The following STOM variants were observed in gnomAD, a reference collection of about 807,000 sequenced individuals.
STOM encodes erythrocyte band 7 integral membrane protein.
In STOM, 25 loss-of-function variants were observed where a neutral mutation model predicts 30.6. The ratio of observed to expected loss-of-function variants is 0.82; its 90% CI spans 0.60 to 1.14. The LOEUF is 1.14. STOM is among the 50% of genes most tolerant of loss of function. The pLI is 0.00. For missense variants in STOM, 292 were observed against 365.2 expected, an observed-to-expected ratio of 0.80 and a Z score of 1.63; for synonymous variants, 118 against 130.8, an observed-to-expected ratio of 0.90 and a Z score of 0.67.
intron 1 of STOM, among the ~76,000 whole-genome samples, chr9:121,364,112 G>T (rs1358398947): frequency 6.6e-6 from 1 of 152,104 alleles, no homozygotes; most frequent in Non-Finnish European, 1.5e-5. Context: ...CAAAAATGAA[G>T]ACAGAATCCT....
At chr9:121,342,893 G>A (rs1288349021) in intron 6 of STOM, among the ~76,000 whole-genome samples, 1 of 152,156 alleles carries the variant, frequency 6.6e-6, no homozygotes, top group Non-Finnish European at 1.5e-5. Flanking sequence ...CAGGAGTTCT[G>A]GAGTCAAATG....
chr9:121,359,533 C>T (rs762043585), intron 1 of STOM, among the ~76,000 whole-genome samples: 1 of 151,978 alleles, frequency 6.6e-6, no homozygotes, highest in Non-Finnish European at 1.5e-5. Flanking sequence ...CTAGTATTAC[C>T]ATGACTGATC....
rs145563184 is a variant in STOM at position 121,365,656 on chromosome 9, G to A, written c.61+4471C>T. On this transcript the variant is annotated intron_variant, in intron 1 of 6. Coordinates refer to ENST00000286713, the MANE Select transcript of STOM (RefSeq NM_004099.6). ...TCACTGTGATTAACAGCTAAGCAGTGGCTAAAAGCTTGCATTTTTGGTGTT... is the reference window on the plus strand; with the variant it reads ...TCACTGTGATTAACAGCTAAGCAGTAGCTAAAAGCTTGCATTTTTGGTGTT... 2.6e-5 allele frequency among the ~76,000 whole-genome samples: 4 copies of A among 152,006 alleles called. No homozygotes were observed. The East Asian group carries it at 7.7e-4, about 29-fold the overall frequency.
chr9:121,369,800 G>A, intron 1 of STOM: 1 of 325,438 alleles, frequency 3.1e-6, no homozygotes, highest in East Asian at 5.0e-5. Context: ...CTCGCTGGCT[G>A]CCAGTTCCCT....
intron 4 of STOM, 114 bp from the exon 5 acceptor site, chr9:121,349,437 G>T: frequency 1.3e-6 from 1 of 770,134 alleles, no homozygotes; most frequent in Non-Finnish European, 2.1e-6. Context: ...CTTTAGTAAG[G>T]CATCAGAAAG....
chr9:121,341,201 A>G lies in STOM; in HGVS notation c.*1T>C. 6.2e-7 allele frequency: 1 copy of G among 1,614,124 alleles called. No individual in the cohort carries two copies. Among genetic ancestry groups the G allele is most frequent in the Non-Finnish European group, 8.5e-7 (1 of 1,180,028 alleles). ...TTGGAAGGCTAGCGCTCATCTCTAC[A>G]CTAGCCTAGATGGCTGTGTTTTGCC... On this transcript the variant is annotated 3_prime_UTR_variant, in exon 7 of 7. Transcript: ENST00000286713.
chr9:121,356,226 C>G (rs2064389079), intron 1 of STOM, 70 bp from the exon 2 acceptor site: 1 of 1,322,674 alleles, frequency 7.6e-7, no homozygotes, highest in Non-Finnish European at 1.1e-6. Context: ...TTCATCCTTA[C>G]CATTCGCTGA....
Position 121,360,397 on chromosome 9 carries a change from T to G in STOM, c.62-4241A>C, listed in dbSNP as rs570402876. On this transcript the variant is annotated intron_variant, in intron 1 of 6. Coordinates refer to ENST00000286713, the MANE Select transcript of STOM (RefSeq NM_004099.6). ...ATTTATATCCCTTATTACACTGAGA[T>G]TCCCTGAGAACGAGGAGTAACTATG... Among the ~76,000 whole-genome samples the G allele has an allele frequency of 2.6e-5, 4 of 152,330 alleles. No individual in the cohort carries two copies. In the South Asian group the frequency reaches 8.3e-4, roughly 32 times the overall value.
In STOM at chr9:121,356,167, C is replaced by T. The variant is rs1564630885; in HGVS notation, c.62-11G>A. 2.5e-6 allele frequency: 4 copies of T among 1,606,748 alleles called. No homozygotes were observed. The highest frequency in any genetic ancestry group is 3.4e-6 in the Non-Finnish European group (4 of 1,175,454). ...CCTTACTGGGGCTGTCTGTTGAAAA[C>T]AAAAAATATACAACTCTCACAACTG... On this transcript the variant is annotated splice_polypyrimidine_tract_variant and intron_variant, in intron 1 of 6. Transcript: ENST00000286713.
intron 4 of STOM, among the ~76,000 whole-genome samples, chr9:121,352,031 T>G (rs1239414071): frequency 6.6e-6 from 1 of 152,210 alleles, no homozygotes; most frequent in Non-Finnish European, 1.5e-5. Flanking sequence ...ATAACAATGA[T>G]GATATTATTA....
chr9:121,341,152 C>T lies in STOM; in HGVS notation c.*50G>A. On this transcript the variant is annotated 3_prime_UTR_variant, in exon 7 of 7. Coordinates refer to ENST00000286713, the MANE Select transcript of STOM (RefSeq NM_004099.6). ...CTACCCTCTCTTTATGAGTTAAAGG[C>T]TAATTTGGTCCCCGACTTCATGCTT... 3 of 1,611,832 alleles carry T rather than the reference C, an allele frequency of 1.9e-6. No homozygotes were observed. The African/African-American group carries it at 4.0e-5, about 22-fold the overall frequency.
At chr9:121,355,957 G>A (rs1464640553) in intron 2 of STOM, 96 bp downstream of exon 2, 4 of 756,878 alleles carry the variant, frequency 5.3e-6, no homozygotes, top group Non-Finnish European at 8.4e-6. Context: ...GAGAGAGACA[G>A]TCTGTTTCTT....
At chr9:121,367,749 C>A (rs1468602021) in intron 1 of STOM, among the ~76,000 whole-genome samples, 1 of 152,246 alleles carries the variant, frequency 6.6e-6, no homozygotes, top group Non-Finnish European at 1.5e-5. Context: ...GCTTCTTTCA[C>A]AAGCAGCCTT....
chr9:121,364,601 CAAT>C (rs923944275), intron 1 of STOM, among the ~76,000 whole-genome samples: 2 of 152,074 alleles, frequency 1.3e-5, no homozygotes, highest in African/African-American at 4.8e-5. Context: ...GAAAGATTTG[CAAT>C]AACAGTTATT....
At chr9:121,347,984 G>C (rs533218207) in intron 6 of STOM, 31 bp downstream of exon 6, 1 of 1,578,124 alleles carries the variant, frequency 6.3e-7, no homozygotes, top group Non-Finnish European at 8.6e-7. Context: ...AGAAAACTCA[G>C]TAAGAAAAAC....
rs146322405 is a variant in STOM, at chr9:121,352,587, A to G, written c.321+633T>C. The stretch of plus-strand genomic sequence containing the variant: ...CCCATGCATGCAAAGGGCCAACTGT[A>G]ATAGTAACAGTAAGAACTTATATAG... On this transcript the variant is annotated intron_variant, in intron 4 of 6. Coordinates refer to ENST00000286713, the MANE Select transcript of STOM (RefSeq NM_004099.6). Among the ~76,000 whole-genome samples the G allele has an allele frequency of 1.5e-3, 236 of 152,356 alleles. No homozygotes were observed. The South Asian group carries it at 0.028, about 18-fold the overall frequency.
chr9:121,353,324 T>C, intron 3 of STOM, 22 bp from the exon 4 acceptor site: 1 of 1,543,382 alleles, frequency 6.5e-7, no homozygotes, highest in Non-Finnish European at 8.8e-7. Context: ...ATACACACAT[T>C]ATACAGACAC....
chr9:121,348,162 G>C lies in STOM; in HGVS notation c.526-13C>G, dbSNP rs1275169489. The stretch of plus-strand genomic sequence containing the variant: ...CATCCAGAGTAGACTGTTAGGAAGA[G>C]AGAAGGCAAGCTAAATCTCCTCAGC... On this transcript the variant is annotated splice_polypyrimidine_tract_variant and intron_variant, in intron 5 of 6. Coordinates refer to ENST00000286713, the MANE Select transcript of STOM (RefSeq NM_004099.6). 2 of 1,614,024 alleles carry C rather than the reference G, an allele frequency of 1.2e-6. No homozygotes were observed. The highest frequency in any genetic ancestry group is 2.2e-5 in the East Asian group (1 of 44,874).
chr9:121,368,448 A>G (rs773066353), intron 1 of STOM, among the ~76,000 whole-genome samples: 3 of 152,212 alleles, frequency 2.0e-5, no homozygotes, highest in Non-Finnish European at 4.4e-5. Context: ...AAGACAACTA[A>G]CTATCGAAGA....
Sources: gnomAD v4.1 joint callset for allele counts (sites outside exome capture counted in the v4.1 genomes callset) on GRCh38, gnomAD v4.1.1 for gene constraint, MANE v1.5 for transcripts, NCBI Gene and HGNC (gene_info 2026-07-23, HGNC 2026-07-21) for gene names.